GUCY1A2: variants seen among roughly 807,000 people sequenced by gnomAD.
The protein encoded by GUCY1A2 is guanylate cyclase 1 soluble subunit alpha 2.
A neutral mutation model predicts 63.5 loss-of-function variants in GUCY1A2; 27 were observed. That is an observed-to-expected ratio of 0.43 (90% CI 0.31 to 0.59). GUCY1A2 has a LOEUF of 0.59. GUCY1A2 is among the 20% of genes least tolerant of loss of function. The probability of loss-of-function intolerance (pLI) is 0.11; values close to 1 mark genes in which losing one functional copy is unlikely to be tolerated. For missense variants in GUCY1A2, 768 were observed against 913.3 expected (o/e 0.84, Z 2.05); for synonymous variants, 364 against 343.5 (o/e 1.06, Z -0.66).
chr11:106,972,164 G>A (rs921180802), intron 3 of GUCY1A2, among the ~76,000 whole-genome samples: 14 of 152,122 alleles, frequency 9.2e-5, no homozygotes, highest in Admixed American at 6.5e-5. Flanking sequence ...CCTGGAACAG[G>A]AAAAGGTTAA....
intron 6 of GUCY1A2, among the ~76,000 whole-genome samples, chr11:106,744,244 C>CTTTTT (rs5794491): frequency 1.2e-4 from 14 of 112,698 alleles, no homozygotes; most frequent in South Asian, 2.9e-4. Context: ...AACATAAATG[C>CTTTTT]TTTTTTTTTT....
chr11:106,860,260 A>G (rs1340876015), intron 4 of GUCY1A2, among the ~76,000 whole-genome samples: 1 of 151,086 alleles, frequency 6.6e-6, no homozygotes, highest in Non-Finnish European at 1.5e-5. Flanking sequence ...AACTAAGAGT[A>G]ATAGTATGAA....
At chr11:106,944,629 C>G (rs961079395) in intron 3 of GUCY1A2, among the ~76,000 whole-genome samples, 1 of 152,072 alleles carries the variant, frequency 6.6e-6, no homozygotes, top group Non-Finnish European at 1.5e-5. Context: ...TGCACATGTA[C>G]CCCTGAATTT....
At chr11:106,985,784 A>G (rs1157447583) in intron 2 of GUCY1A2, among the ~76,000 whole-genome samples, 2 of 152,234 alleles carry the variant, frequency 1.3e-5, no homozygotes, top group Admixed American at 1.3e-4. Context: ...AGGCATAATT[A>G]TATGATTCAA....
Position 106,687,490 on chromosome 11 carries a change from T to A in GUCY1A2, c.*59A>T. The A allele has an allele frequency of 2.4e-6, 3 of 1,234,318 alleles. No individual in the cohort carries two copies. The South Asian group carries it at 3.6e-5, about 15-fold the overall frequency. 76.5% of individuals were successfully genotyped at this position (1,234,318 alleles called of 1,614,324 possible). ...AGACACAATCTCTTTCCACCCCCCA[T>A]TGGTGACCCATGTTCTGGGCTTGTG... On this transcript the variant is annotated 3_prime_UTR_variant, in exon 8 of 8. Coordinates refer to ENST00000526355, the MANE Select transcript of GUCY1A2 (RefSeq NM_000855.3).
chr11:106,901,043 G>A (rs1860125906), intron 4 of GUCY1A2, among the ~76,000 whole-genome samples: 1 of 152,146 alleles, frequency 6.6e-6, no homozygotes, highest in Admixed American at 6.5e-5. Flanking sequence ...AATGATATTT[G>A]ATAGCATTTT....
intron 4 of GUCY1A2, among the ~76,000 whole-genome samples, chr11:106,843,117 A>G (rs1859223312): frequency 6.6e-6 from 1 of 152,004 alleles, no homozygotes; most frequent in South Asian, 2.1e-4. Context: ...TAAAATTCCC[A>G]TAAGGCTCTG....
chr11:106,977,045 C>T (rs935033676), intron 3 of GUCY1A2, among the ~76,000 whole-genome samples: 9 of 152,170 alleles, frequency 5.9e-5, no homozygotes, highest in Non-Finnish European at 1.2e-4. Flanking sequence ...TGAACACCTC[C>T]TATTCCCTCT....
chr11:106,748,486 C>A (rs574714014), intron 6 of GUCY1A2, among the ~76,000 whole-genome samples: 23 of 152,254 alleles, frequency 1.5e-4, no homozygotes, highest in African/African-American at 5.5e-4. Flanking sequence ...AGGAGAACAG[C>A]ACCTCATTTT....
chr11:106,701,131 G>T (rs1007774296), intron 7 of GUCY1A2, among the ~76,000 whole-genome samples: 1 of 152,086 alleles, frequency 6.6e-6, no homozygotes, highest in South Asian at 2.1e-4. Flanking sequence ...TGTTTATAAA[G>T]TAAATTCCTA....
At chr11:106,995,735 C>G (rs1206843750) in intron 1 of GUCY1A2, among the ~76,000 whole-genome samples, 1 of 152,204 alleles carries the variant, frequency 6.6e-6, no homozygotes, top group Non-Finnish European at 1.5e-5. Context: ...TTGAACTAAA[C>G]TGACCATGTC....
intron 3 of GUCY1A2, among the ~76,000 whole-genome samples, chr11:106,961,103 A>G (rs1861052532): frequency 6.6e-6 from 1 of 152,070 alleles, no homozygotes; most frequent in African/African-American, 2.4e-5. Flanking sequence ...ATCACATCTC[A>G]GATTAGACTA....
chr11:106,911,165 T>G (rs1030557839), intron 4 of GUCY1A2, among the ~76,000 whole-genome samples: 6 of 151,982 alleles, frequency 3.9e-5, no homozygotes, highest in Non-Finnish European at 8.8e-5. Context: ...GAATACAAGC[T>G]GTACAATTTA....
chr11:106,744,454 A>G (rs4121677), intron 6 of GUCY1A2, among the ~76,000 whole-genome samples: 32,025 of 152,036 alleles, frequency 0.21, 4,031 homozygotes, highest in Non-Finnish European at 0.27. Context: ...ACCATGTTAC[A>G]TAAATGCTTT....
At chr11:106,958,611 T>TAAA (rs35988321) in intron 3 of GUCY1A2, among the ~76,000 whole-genome samples, 1 of 142,950 alleles carries the variant, frequency 7.0e-6, no homozygotes, top group Non-Finnish European at 1.5e-5. Flanking sequence ...CTGTTTAATA[T>TAAA]AAAAAAAAAA....
intron 5 of GUCY1A2, among the ~76,000 whole-genome samples, chr11:106,797,981 G>C (rs957366810): frequency 6.6e-6 from 1 of 152,002 alleles, no homozygotes; most frequent in East Asian, 1.9e-4. Flanking sequence ...TCCAGGAGCT[G>C]GTTTTTTGAA....
chr11:106,698,138 T>TTTTTTTTTTTTTTTTTTTTTTTA (rs1555020237), intron 7 of GUCY1A2, among the ~76,000 whole-genome samples: 9 of 145,866 alleles, frequency 6.2e-5, no homozygotes, highest in South Asian at 2.1e-4. Context: ...TTTTTTTTTT[T>TTTTTTTTTTTTTTTTTTTTTTTA]AGACAGGGTC....
intron 4 of GUCY1A2, among the ~76,000 whole-genome samples, chr11:106,841,552 T>C (rs1205799932): frequency 2.6e-5 from 4 of 151,934 alleles, no homozygotes; most frequent in Admixed American, 2.6e-4. Context: ...TATAAACATA[T>C]TTGATGTTTT....
At chr11:106,938,518 T>G (rs1860709097) in intron 4 of GUCY1A2, among the ~76,000 whole-genome samples, 2 of 152,114 alleles carry the variant, frequency 1.3e-5, no homozygotes, top group Admixed American at 1.3e-4. Flanking sequence ...ACAGGCTAAA[T>G]AGCCTAAAAG....
Sources: allele counts gnomAD v4.1 joint callset (sites outside exome capture counted in the v4.1 genomes callset), GRCh38; gene constraint gnomAD v4.1.1; transcripts MANE v1.5; gene names NCBI Gene and HGNC (gene_info 2026-07-23, HGNC 2026-07-21).